ALDH3B1: variants seen among roughly 807,000 people sequenced by gnomAD.
ALDH3B1 encodes aldehyde dehydrogenase 3 family member B1.
Under a neutral mutation model 46.2 loss-of-function variants are expected in ALDH3B1, and 37 were observed. That is an observed-to-expected ratio of 0.80 (90% CI 0.62 to 1.05). The LOEUF (loss-of-function observed/expected upper bound fraction) is 1.05. ALDH3B1 is among the 50% of genes least tolerant of loss of function. The probability of loss-of-function intolerance (pLI) is 0.00; values close to 1 mark genes in which losing one functional copy is unlikely to be tolerated. For synonymous variants in ALDH3B1, 283 were observed against 281.0 expected, an observed-to-expected ratio of 1.01 and a Z score of -0.07; for missense variants, 603 against 665.5, an observed-to-expected ratio of 0.91 and a Z score of 1.03.
chr11:68,019,354 C>T, intron 5 of ALDH3B1, 99 bp downstream of exon 5: 1 of 1,000,596 alleles, frequency 1.0e-6, no homozygotes, highest in Non-Finnish European at 1.5e-6. Flanking sequence ...CCCGAGTCCC[C>T]ACCTCAATCC....
chr11:68,026,469 T>TGCCGCC (rs1368178579), intron 9 of ALDH3B1, among the ~76,000 whole-genome samples: 4 of 152,144 alleles, frequency 2.6e-5, no homozygotes, highest in African/African-American at 9.7e-5. Flanking sequence ...TCAGCAGCAA[T>TGCCGCC]GCCGCCGGTG....
intron 2 of ALDH3B1, 28 bp downstream of exon 2, chr11:68,015,487 G>T: frequency 6.4e-7 from 1 of 1,563,864 alleles, no homozygotes; most frequent in African/African-American, 1.4e-5. Flanking sequence ...GTATGAGAGG[G>T]TGCACTGGGG....
In ALDH3B1 at chr11:68,018,782, C is replaced by T. The variant is rs1322204684; in HGVS notation, c.283C>T (p.Leu95=). The T allele has an allele frequency of 6.4e-7, 1 of 1,554,154 alleles. No homozygotes were observed. Among genetic ancestry groups the T allele is most frequent in the East Asian group, 2.4e-5 (1 of 41,066 alleles). ...ERVPKNLATQ[L]DSAFIRKEPF... ...CCGGCTCCCGGCCCAGGCCACGCAGCTGGACTCCGCCTTCATCCGGAAGGA... is the reference window on the plus strand; with the variant it reads ...CCGGCTCCCGGCCCAGGCCACGCAGTTGGACTCCGCCTTCATCCGGAAGGA... The change falls in exon 4 of 10, where the codon CTG becomes TTG. Residue 95 remains leucine (L), a synonymous_variant. Coordinates refer to ENST00000342456, the MANE Select transcript of ALDH3B1 (RefSeq NM_000694.4).
At chr11:68,027,323 G>A (rs149879678) in intron 9 of ALDH3B1, among the ~76,000 whole-genome samples, 4 of 152,252 alleles carry the variant, frequency 2.6e-5, no homozygotes, top group East Asian at 1.9e-4. Context: ...CAACCTAGAC[G>A]CTGAGGAGAG....
Position 68,018,872 on chromosome 11 carries a change from C to T in ALDH3B1, c.373C>T (p.Leu125Phe), listed in dbSNP as rs1183942403. Residue 125 changes from leucine (L) to phenylalanine (F), a missense_variant, in exon 4 of 10, where the codon CTC becomes TTC. Physicochemically the swap from Leu to Phe is conservative, Grantham distance 22. Transcript: ENST00000342456. Reference protein sequence around the residue: ...NYPLNLTLVPLVGALAAGNCV... With the variant: ...NYPLNLTLVPFVGALAAGNCV... ...TCCGCTGAACCTGACGCTGGTGCCCCTCGTGGGAGCCCTCGCTGCAGGTGA... is the reference window on the plus strand; with the variant it reads ...TCCGCTGAACCTGACGCTGGTGCCCTTCGTGGGAGCCCTCGCTGCAGGTGA... 1 of 1,559,324 alleles carries T rather than the reference C, an allele frequency of 6.4e-7. No homozygotes were observed. The highest frequency in any genetic ancestry group is 8.7e-7 in the Non-Finnish European group (1 of 1,151,896).
rs1277513659 is a variant in ALDH3B1 at position 68,027,764 on chromosome 11, G to T, written c.1232G>T (p.Gly411Val). 1.3e-6 allele frequency: 2 copies of T among 1,557,454 alleles called. No individual in the cohort carries two copies. The highest frequency in any genetic ancestry group is 3.9e-5 in the Admixed American group (2 of 51,054). ...CACTGTACAGGTGCCAGTGGGATGG[G>T]CCGGTACCATGGCAAGTTCTCCTTC... ...PFGGVGASGMGRYHGKFSFDT... is the reference protein window; with the variant it reads ...PFGGVGASGMVRYHGKFSFDT... The change falls in exon 10 of 10, where the codon GGC (glycine) becomes GTC (valine). Residue 411 changes from glycine (G) to valine (V), a missense_variant. Physicochemically the swap from Gly to Val is moderately radical, Grantham distance 109 (BLOSUM62 -3). Coordinates refer to ENST00000342456, the MANE Select transcript of ALDH3B1 (RefSeq NM_000694.4).
At chr11:68,020,057 C>A (rs886899609) in intron 6 of ALDH3B1, among the ~76,000 whole-genome samples, 1 of 152,076 alleles carries the variant, frequency 6.6e-6, no homozygotes, top group Non-Finnish European at 1.5e-5. Context: ...CATACGTGAC[C>A]CTGCTGCCCC....
chr11:68,010,925 A>G (rs960121381), intron 1 of ALDH3B1, among the ~76,000 whole-genome samples: 1 of 152,194 alleles, frequency 6.6e-6, no homozygotes, highest in Non-Finnish European at 1.5e-5. Context: ...CCCCGCCTGC[A>G]GGAGGCACTT....
At position 68,026,243 on chromosome 11, in the gene ALDH3B1, C is replaced by T. The variant is rs1235118956; in HGVS notation, c.1216+135C>T. ...AGGCAAGGAGGCCTCACCCCAGAAC[C>T]CGCATCCTGCTCCCCACCCCAGAGG... On this transcript the variant is annotated intron_variant, in intron 9 of 9. Coordinates refer to ENST00000342456, the MANE Select transcript of ALDH3B1 (RefSeq NM_000694.4). 7 of 691,048 alleles carry T rather than the reference C, an allele frequency of 1.0e-5. No homozygotes were observed. The East Asian group carries it at 1.6e-4, about 16-fold the overall frequency. The allele number at this position is 691,048 out of a possible 1,614,324, so 42.8% of individuals were successfully genotyped here.
chr11:68,027,635 T>G, intron 9 of ALDH3B1, 114 bp from the exon 10 acceptor site: 1 of 1,146,082 alleles, frequency 8.7e-7, no homozygotes, highest in Non-Finnish European at 1.2e-6. Context: ...ATCAGCCCAC[T>G]GGACAGATGG....
At chr11:68,018,446 C>A in intron 2 of ALDH3B1, 81 bp from the exon 3 acceptor site, 1 of 1,036,800 alleles carries the variant, frequency 9.6e-7, no homozygotes, top group Non-Finnish European at 1.4e-6. Flanking sequence ...GTTGTGGAAG[C>A]AGGCCCTGCC....
At chr11:68,023,590 C>T (rs901482167) in intron 8 of ALDH3B1, among the ~76,000 whole-genome samples, 23 of 151,950 alleles carry the variant, frequency 1.5e-4, no homozygotes, top group African/African-American at 4.8e-4. Flanking sequence ...CAGGGATGAG[C>T]CACCGTGCCC....
intron 9 of ALDH3B1, among the ~76,000 whole-genome samples, chr11:68,026,821 C>T (rs1857636085): frequency 6.6e-6 from 1 of 152,216 alleles, no homozygotes; most frequent in Admixed American, 6.5e-5. Context: ...CAGGTGGGTC[C>T]ATGCCCTTCC....
chr11:68,021,852 TGA>T lies in ALDH3B1; in HGVS notation c.934_935del (p.Ser312ArgfsTer169). 2.5e-6 allele frequency: 4 copies of T among 1,608,784 alleles called. No individual in the cohort carries two copies. The highest frequency in any genetic ancestry group is 3.4e-6 in the Non-Finnish European group (4 of 1,176,704). Reference sequence around the variant, plus strand: ...GTGTGGCCATTGGGGGCCAGAGCGATGAGAGCGATCGCTACATCGGTGAGTCC... The same window carrying T: ...GTGTGGCCATTGGGGGCCAGAGCGATGAGCGATCGCTACATCGGTGAGTCC... ...GRVAIGGQSD[E>X]SDRYIAPTVL... On this transcript the variant is annotated frameshift_variant, in exon 7 of 10. Coordinates refer to ENST00000342456, the MANE Select transcript of ALDH3B1 (RefSeq NM_000694.4). LOFTEE classifies it high-confidence loss of function.
At position 68,015,361 on chromosome 11, in the gene ALDH3B1, C is replaced by A; in HGVS notation, c.64C>A (p.Pro22Thr). The A allele has an allele frequency of 6.5e-7, 1 of 1,546,442 alleles. No individual in the cohort carries two copies. The highest frequency in any genetic ancestry group is 2.4e-5 in the East Asian group (1 of 41,072). Residue 22 changes from proline (P) to threonine (T), a missense_variant, in exon 2 of 10, where the codon CCA becomes ACA. Transcript: ENST00000342456. ...GGCCTTCCACGCGGGGCGCACGCGG[C>A]CAGCTGAGTTCCGGGCTGCGCAGCT... is the stretch of plus-strand genomic sequence containing the variant. The part of the protein sequence containing the change: ...REAFHAGRTR[P>T]AEFRAAQLQG...
chr11:68,024,822 G>C (rs1477667835), intron 8 of ALDH3B1: 1 of 152,116 alleles, frequency 6.6e-6, no homozygotes, highest in Admixed American at 6.5e-5. Context: ...AGGTCACTAC[G>C]GACTCAGGTA....
intron 2 of ALDH3B1, chr11:68,016,700 A>C (rs1857358415): frequency 6.6e-6 from 1 of 152,458 alleles, no homozygotes; most frequent in Non-Finnish European, 1.5e-5. Context: ...CTCTGGACAA[A>C]ATATCTCCTC....
At position 68,018,875 on chromosome 11, in the gene ALDH3B1, G is replaced by A. The variant is rs767102365; in HGVS notation, c.376G>A (p.Val126Met). Residue 126 changes from valine to methionine, a missense_variant, in exon 4 of 10, where the codon GTG becomes ATG. Coordinates refer to ENST00000342456, the MANE Select transcript of ALDH3B1 (RefSeq NM_000694.4). Reference sequence around the variant, plus strand: ...GCTGAACCTGACGCTGGTGCCCCTCGTGGGAGCCCTCGCTGCAGGTGAGAG... The same window carrying A: ...GCTGAACCTGACGCTGGTGCCCCTCATGGGAGCCCTCGCTGCAGGTGAGAG... The part of the protein sequence containing the change: ...YPLNLTLVPL[V>M]GALAAGNCVV... The A allele has an allele frequency of 1.2e-5, 19 of 1,558,692 alleles. No homozygotes were observed. The highest frequency in any genetic ancestry group is 2.4e-5 in the East Asian group (1 of 41,396).
chr11:68,012,837 T>C (rs1185883667), intron 1 of ALDH3B1, among the ~76,000 whole-genome samples: 5 of 152,058 alleles, frequency 3.3e-5, no homozygotes, highest in Non-Finnish European at 7.4e-5. Context: ...CTCTTCTGGA[T>C]TTGGGTTTTC....
Sources: gnomAD v4.1 joint callset for allele counts (sites outside exome capture counted in the v4.1 genomes callset) on GRCh38, gnomAD v4.1.1 for gene constraint, MANE v1.5 for transcripts, NCBI Gene and HGNC (gene_info 2026-07-23, HGNC 2026-07-21) for gene names.